GSK3B: variants seen among roughly 807,000 people sequenced by gnomAD.
GSK3B encodes the protein glycogen synthase kinase 3 beta, also known as glycogen synthase kinase-3 beta.
In GSK3B, 15 loss-of-function variants were observed where a neutral mutation model predicts 56.4. The observed-to-expected ratio is 0.27, with a 90% CI of 0.18 to 0.41. GSK3B has a LOEUF of 0.41. GSK3B is among the 10% of genes least tolerant of loss of function. GSK3B has a pLI of 1.00. For missense variants in GSK3B, 300 were observed against 513.4 expected (o/e 0.58, Z 4.02); for synonymous variants, 181 against 188.9 (o/e 0.96, Z 0.34).
intron 1 of GSK3B, among the ~76,000 whole-genome samples, chr3:120,089,749 C>T (rs945951321): frequency 2.6e-5 from 4 of 152,072 alleles, no homozygotes; most frequent in Admixed American, 6.6e-5. Context: ...ACCAAAAGTG[C>T]CACAAACAGT....
chr3:120,010,493 G>A (rs906656410), intron 1 of GSK3B, among the ~76,000 whole-genome samples: 4 of 152,112 alleles, frequency 2.6e-5, no homozygotes, highest in South Asian at 4.1e-4. Context: ...AAAAGCATAC[G>A]TTATTTCAAA....
intron 7 of GSK3B, among the ~76,000 whole-genome samples, chr3:119,905,407 C>T (rs150020050): frequency 3.9e-5 from 6 of 152,122 alleles, no homozygotes; most frequent in Non-Finnish European, 5.9e-5. Flanking sequence ...AGGGAGTATA[C>T]AGTGAGCAAA....
At chr3:119,982,259 A>G (rs2057470531) in intron 2 of GSK3B, among the ~76,000 whole-genome samples, 1 of 152,228 alleles carries the variant, frequency 6.6e-6, no homozygotes, top group African/African-American at 2.4e-5. Context: ...GATGAGGAGA[A>G]CCAGAGCAGA....
intron 7 of GSK3B, among the ~76,000 whole-genome samples, chr3:119,893,645 TC>T (rs1164308860): frequency 6.6e-6 from 1 of 151,794 alleles, no homozygotes; most frequent in Non-Finnish European, 1.5e-5. Context: ...TAAAGGAGGG[TC>T]CCCCCGTGTG....
intron 7 of GSK3B, among the ~76,000 whole-genome samples, chr3:119,903,364 A>G (rs886781430): frequency 4.6e-5 from 7 of 152,322 alleles, no homozygotes; most frequent in African/African-American, 1.7e-4. Flanking sequence ...TACTTACTAT[A>G]GTAAGGTGAT....
chr3:119,918,143 T>C (rs1271786842), intron 4 of GSK3B, among the ~76,000 whole-genome samples: 2 of 152,128 alleles, frequency 1.3e-5, no homozygotes, highest in South Asian at 2.1e-4. Flanking sequence ...TTGCCATATT[T>C]TATTAAATAA....
Position 119,939,552 on chromosome 3 carries a change from A to C in GSK3B, c.366+7716T>G, listed in dbSNP as rs930330184. ...CATATTGTCTCTTCTAATTGTTTAG[A>C]ATAATCTATGATTTATCCCTGTTTT... On this transcript the variant is annotated intron_variant, in intron 3 of 10. Transcript: ENST00000264235. Among the ~76,000 whole-genome samples the C allele has an allele frequency of 8.5e-5, 13 of 152,144 alleles. No individual in the cohort carries two copies. The East Asian group carries it at 2.5e-3, about 29-fold the overall frequency.
chr3:120,033,724 G>A (rs1046519645), intron 1 of GSK3B, among the ~76,000 whole-genome samples: 1 of 152,104 alleles, frequency 6.6e-6, no homozygotes, highest in Non-Finnish European at 1.5e-5. Flanking sequence ...TCTTGTGATA[G>A]TGAGTTCTCA....
At position 119,822,949 on chromosome 3, in the gene GSK3B, A is replaced by T. The variant is rs2055436530; in HGVS notation, c.*3839T>A. 4.4e-6 allele frequency: 1 copy of T among 229,020 alleles called. No homozygotes were observed. The highest frequency in any genetic ancestry group is 5.7e-5 in the Admixed American group (1 of 17,630). 14.2% of individuals were successfully genotyped at this position (229,020 alleles called of 1,614,324 possible). A position where few individuals can be genotyped will look rare whatever the true frequency, so the allele number is the denominator to read the frequency against. ...CTTCATATCCACAGGGATAGAGAAT[A>T]CTCCTCTCAGAAACCTTTGCATTGG... is the stretch of plus-strand genomic sequence containing the variant. On this transcript the variant is annotated 3_prime_UTR_variant, in exon 11 of 11. Coordinates refer to ENST00000264235, the MANE Select transcript of GSK3B (RefSeq NM_001146156.2).
chr3:120,030,279 C>T (rs1414703158), intron 1 of GSK3B, among the ~76,000 whole-genome samples: 1 of 152,136 alleles, frequency 6.6e-6, no homozygotes, highest in East Asian at 1.9e-4. Context: ...CAGATTATCT[C>T]ATGCATTCCC....
intron 1 of GSK3B, among the ~76,000 whole-genome samples, chr3:120,089,987 C>T (rs913025160): frequency 2.0e-5 from 3 of 152,006 alleles, no homozygotes; most frequent in Non-Finnish European, 4.4e-5. Context: ...TTAATTTCTT[C>T]TGGAGTCTTC....
intron 3 of GSK3B, among the ~76,000 whole-genome samples, chr3:119,936,086 T>A (rs1398445886): frequency 6.6e-6 from 1 of 151,882 alleles, no homozygotes; most frequent in Non-Finnish European, 1.5e-5. Context: ...CCTCAACTGA[T>A]AACACTATAT....
rs1306420298 is a variant in GSK3B at position 119,923,032 on chromosome 3, TTTATA to T, written c.477+336_477+340del. On this transcript the variant is annotated intron_variant, in intron 4 of 10. Transcript: ENST00000264235. ...CATATTTATAACTATATTTTACAAT[TTTATA>T]TGATACGCTCCTATTTTGGTTTGTG... Among the ~76,000 whole-genome samples the T allele has an allele frequency of 2.0e-5, 3 of 152,324 alleles. No homozygotes were observed. In the East Asian group the frequency reaches 5.8e-4, roughly 29 times the overall value.
intron 2 of GSK3B, among the ~76,000 whole-genome samples, chr3:119,996,170 T>A (rs1359830632): frequency 2.6e-5 from 4 of 152,266 alleles, no homozygotes; most frequent in Non-Finnish European, 5.9e-5. Flanking sequence ...CAAAACTCTG[T>A]ATTTATTAAA....
intron 1 of GSK3B, among the ~76,000 whole-genome samples, chr3:120,075,626 C>T (rs2058361684): frequency 1.3e-5 from 2 of 152,034 alleles, no homozygotes; most frequent in Admixed American, 1.3e-4. Context: ...AAAACAGCCC[C>T]ATTTGTGTTA....
intron 2 of GSK3B, among the ~76,000 whole-genome samples, chr3:119,966,138 G>C (rs2057316731): frequency 6.6e-6 from 1 of 152,142 alleles, no homozygotes; most frequent in South Asian, 2.1e-4. Context: ...ATCCAATGTA[G>C]TCCTTTGCAC....
At chr3:120,051,684 T>C (rs1313663837) in intron 1 of GSK3B, among the ~76,000 whole-genome samples, 5 of 151,690 alleles carry the variant, frequency 3.3e-5, no homozygotes, top group South Asian at 4.2e-4. Flanking sequence ...CGAGAATCAC[T>C]TGAACCCAAG....
intron 5 of GSK3B, 29 bp from the exon 6 acceptor site, chr3:119,912,839 C>T: frequency 8.5e-7 from 1 of 1,182,944 alleles, no homozygotes; most frequent in East Asian, 2.3e-5. Context: ...AAATAAAAAG[C>T]AGAAATTCTT....
intron 2 of GSK3B, among the ~76,000 whole-genome samples, chr3:119,963,892 T>C (rs1263422387): frequency 6.6e-6 from 1 of 152,096 alleles, no homozygotes; most frequent in Non-Finnish European, 1.5e-5. Flanking sequence ...GATTTAAACA[T>C]AAGATCTGAA....
Sources: gnomAD v4.1 joint callset for allele counts (sites outside exome capture counted in the v4.1 genomes callset) on GRCh38, gnomAD v4.1.1 for gene constraint, MANE v1.5 for transcripts, NCBI Gene and HGNC (gene_info 2026-07-23, HGNC 2026-07-21) for gene names.